Variants in MNAT1 observed in about 807,000 individuals in gnomAD.
MNAT1 encodes CDK-activating kinase assembly factor MAT1.
In MNAT1, 43 loss-of-function variants were observed where a neutral mutation model predicts 42.0. The observed-to-expected ratio is 1.02, with a 90% CI of 0.80 to 1.32. MNAT1 has a LOEUF of 1.32. Among genes scored for constraint, MNAT1 ranks in the 40% most tolerant of loss-of-function variants. The probability of loss-of-function intolerance (pLI) is 0.00; values close to 1 mark genes in which losing one functional copy is unlikely to be tolerated. For missense variants in MNAT1, 306 were observed against 350.4 expected (o/e 0.87, Z 1.01); for synonymous variants, 118 against 120.0 (o/e 0.98, Z 0.11).
intron 4 of MNAT1, among the ~76,000 whole-genome samples, 156 bp from the exon 5 acceptor site, chr14:60,811,826 ATAAAG>A (rs1489527069): frequency 1.3e-5 from 2 of 152,202 alleles, no homozygotes; most frequent in Non-Finnish European, 2.9e-5. Flanking sequence ...TCTACATGAA[ATAAAG>A]TAAATTCTAT....
intron 7 of MNAT1, among the ~76,000 whole-genome samples, chr14:60,966,849 T>C (rs1388063618): frequency 6.6e-6 from 1 of 152,116 alleles, no homozygotes; most frequent in African/African-American, 2.4e-5. Context: ...TCATCCTTTT[T>C]CTATTTATAT....
Position 60,734,871 on chromosome 14 carries a change from T to C in MNAT1, c.9T>C (p.Asp3=). Residue 3 remains aspartate, a synonymous_variant, in exon 1 of 8, where the codon GAT becomes GAC. Coordinates refer to ENST00000261245, the MANE Select transcript of MNAT1 (RefSeq NM_002431.4). This position sits in a 1 kb window ranked among gnomAD's most constrained non-coding sequence, Gnocchi z 4.3. MD[D]QGCPRCKTTK... ...GTAGGAGGGAAACCGCCATGGACGA[T>C]CAGGGTTGCCCTCGGTGTAAGACCA... The C allele has an allele frequency of 2.5e-6, 4 of 1,614,048 alleles. No homozygotes were observed. Among genetic ancestry groups the C allele is most frequent in the Non-Finnish European group, 3.4e-6 (4 of 1,179,986 alleles).
chr14:60,936,917 T>A (rs1230297935), intron 7 of MNAT1, among the ~76,000 whole-genome samples: 4 of 152,130 alleles, frequency 2.6e-5, no homozygotes, highest in Non-Finnish European at 5.9e-5. Context: ...TGATCACCAT[T>A]CTAACTGGTG....
intron 7 of MNAT1, among the ~76,000 whole-genome samples, chr14:60,952,721 C>T (rs2036407636): frequency 6.6e-6 from 1 of 151,986 alleles, no homozygotes; most frequent in African/African-American, 2.4e-5. Flanking sequence ...TACAAAGGGC[C>T]ACCCATGCAG....
intron 3 of MNAT1, among the ~76,000 whole-genome samples, chr14:60,799,006 A>T (rs2032114027): frequency 6.6e-6 from 1 of 152,206 alleles, no homozygotes; most frequent in South Asian, 2.1e-4. Flanking sequence ...TATATATGAT[A>T]AACTTAACAA....
chr14:60,957,397 CA>C (rs1160517143), intron 7 of MNAT1, among the ~76,000 whole-genome samples: 2 of 152,126 alleles, frequency 1.3e-5, no homozygotes, highest in African/African-American at 4.8e-5. Context: ...GAATGAGGAG[CA>C]AACACATCTT....
At chr14:60,737,873 G>T (rs1896349835) in intron 1 of MNAT1, among the ~76,000 whole-genome samples, 1 of 149,808 alleles carries the variant, frequency 6.7e-6, no homozygotes, top group Non-Finnish European at 1.5e-5. Context: ...TTTTGAGAAG[G>T]AGTCTCGCTC....
chr14:60,898,661 C>CTTG (rs890309063), intron 7 of MNAT1, among the ~76,000 whole-genome samples: 2 of 151,838 alleles, frequency 1.3e-5, no homozygotes, highest in Non-Finnish European at 2.9e-5. Flanking sequence ...ATGTTAGGTC[C>CTTG]TTGTAAGATG....
At chr14:60,775,297 C>T (rs915924961) in intron 1 of MNAT1, among the ~76,000 whole-genome samples, 2 of 152,030 alleles carry the variant, frequency 1.3e-5, no homozygotes, top group Non-Finnish European at 2.9e-5. Flanking sequence ...TAACTATTGG[C>T]TTTGGCAAGA....
intron 4 of MNAT1, among the ~76,000 whole-genome samples, chr14:60,809,629 A>G (rs969641320): frequency 3.9e-5 from 6 of 152,054 alleles, no homozygotes; most frequent in Admixed American, 2.0e-4. Flanking sequence ...TGATTATGTG[A>G]TTTTAATTCT....
At chr14:60,864,116 T>G (rs939274921) in intron 6 of MNAT1, among the ~76,000 whole-genome samples, 1 of 152,016 alleles carries the variant, frequency 6.6e-6, no homozygotes, top group African/African-American at 2.4e-5. Context: ...AAATTTGCCT[T>G]AATCTGAATG....
intron 7 of MNAT1, among the ~76,000 whole-genome samples, chr14:60,898,472 C>T (rs1594847277): frequency 6.6e-6 from 1 of 151,962 alleles, no homozygotes; most frequent in African/African-American, 2.4e-5. Context: ...GGGTAAGATG[C>T]TATCTCATTG....
chr14:60,749,078 T>C (rs982385135), intron 1 of MNAT1, among the ~76,000 whole-genome samples: 4 of 152,200 alleles, frequency 2.6e-5, no homozygotes, highest in Non-Finnish European at 5.9e-5. Context: ...CATCATTGTA[T>C]ATGTGGTCTG....
At chr14:60,779,789 A>G (rs2031387830) in intron 1 of MNAT1, among the ~76,000 whole-genome samples, 1 of 150,154 alleles carries the variant, frequency 6.7e-6, no homozygotes, top group African/African-American at 2.5e-5. Context: ...CGTCTCAAAG[A>G]AAAAAAAAGA....
At chr14:60,787,207 G>A (rs1348708982) in intron 1 of MNAT1, among the ~76,000 whole-genome samples, 2 of 152,024 alleles carry the variant, frequency 1.3e-5, no homozygotes, top group African/African-American at 2.4e-5. Flanking sequence ...ACAACAAATA[G>A]CACAATAAAG....
At position 60,966,965 on chromosome 14, in the gene MNAT1, G is replaced by C. The variant is rs2036693720; in HGVS notation, c.810-1264G>C. On this transcript the variant is annotated intron_variant, in intron 7 of 7. Transcript: ENST00000261245. ...AAACATATCTGAGATATGTTTTATG[G>C]CTATAAAATACTATCAAAAATGTTT... Among the ~76,000 whole-genome samples, 3 of 151,534 alleles carry C rather than the reference G, an allele frequency of 2.0e-5. No individual in the cohort carries two copies. The South Asian group carries it at 6.3e-4, about 32-fold the overall frequency.
intron 6 of MNAT1, among the ~76,000 whole-genome samples, chr14:60,826,631 T>C (rs1280844072): frequency 6.6e-6 from 1 of 152,140 alleles, no homozygotes; most frequent in African/African-American, 2.4e-5. Flanking sequence ...AAACTTCATT[T>C]TATAGATTAT....
At chr14:60,753,564 AAG>A (rs2030197179) in intron 1 of MNAT1, 1 of 152,204 alleles carries the variant, frequency 6.6e-6, no homozygotes, top group Admixed American at 6.5e-5. Flanking sequence ...TGGATGATTC[AAG>A]AGAGAGACAA....
chr14:60,911,106 T>C (rs1282792706), intron 7 of MNAT1, among the ~76,000 whole-genome samples: 1 of 152,220 alleles, frequency 6.6e-6, no homozygotes, highest in Non-Finnish European at 1.5e-5. Flanking sequence ...TCTAGTTTAT[T>C]TGTGTAGAGG....
Sources: gnomAD v4.1 joint callset for allele counts (sites outside exome capture counted in the v4.1 genomes callset) on GRCh38, gnomAD v4.1.1 for gene constraint, Gnocchi (gnomAD v3.1) non-coding constraint, MANE v1.5 for transcripts, NCBI Gene and HGNC (gene_info 2026-07-23, HGNC 2026-07-21) for gene names.